Variants in CDK14 observed in about 807,000 individuals in gnomAD.
CDK14 encodes cyclin dependent kinase 14, also known as cyclin-dependent kinase 14.
CDK14 carries 34 observed loss-of-function variants against 60.7 expected under a neutral mutation model. That is an observed-to-expected ratio of 0.56 (90% CI 0.43 to 0.75). The LOEUF is 0.75. Among genes scored for constraint, CDK14 ranks in the 30% least tolerant of loss-of-function variants. The pLI is 0.00. For synonymous variants in CDK14, 197 were observed against 203.7 expected (o/e 0.97, Z 0.28); for missense variants, 482 against 564.1 (o/e 0.85, Z 1.47).
chr7:90,870,638 A>G (rs2117246065), intron 6 of CDK14, among the ~76,000 whole-genome samples: 1 of 152,294 alleles, frequency 6.6e-6, no homozygotes, highest in South Asian at 2.1e-4. Context: ...TAGATTCATT[A>G]TCTAGTCCCA....
chr7:90,804,452 A>C (rs1204901497), intron 5 of CDK14, among the ~76,000 whole-genome samples: 1 of 152,188 alleles, frequency 6.6e-6, no homozygotes, highest in South Asian at 2.1e-4. Context: ...CACTGAAAAA[A>C]TTAACATGAA....
chr7:90,741,555 A>G (rs975310560), intron 3 of CDK14, among the ~76,000 whole-genome samples: 29 of 152,188 alleles, frequency 1.9e-4, no homozygotes, highest in African/African-American at 5.5e-4. Flanking sequence ...GAAAATTTTA[A>G]TAAGTACCTG....
At chr7:90,812,444 A>G (rs976822297) in intron 5 of CDK14, among the ~76,000 whole-genome samples, 1 of 152,014 alleles carries the variant, frequency 6.6e-6, no homozygotes, top group Non-Finnish European at 1.5e-5. Context: ...AGGAAGGGGC[A>G]TATCACACAC....
intron 14 of CDK14, among the ~76,000 whole-genome samples, chr7:91,161,482 G>C (rs1355405206): frequency 6.6e-6 from 1 of 152,212 alleles, no homozygotes; most frequent in African/African-American, 2.4e-5. Context: ...TACACTACCA[G>C]AGCAGAGTGA....
intron 4 of CDK14, among the ~76,000 whole-genome samples, chr7:90,775,473 A>G (rs890773061): frequency 3.9e-5 from 6 of 152,188 alleles, no homozygotes; most frequent in African/African-American, 1.2e-4. Flanking sequence ...ACAGATAAAA[A>G]TCTATTTGAA....
intron 7 of CDK14, among the ~76,000 whole-genome samples, chr7:90,908,948 T>C (rs1027650011): frequency 3.9e-5 from 6 of 152,200 alleles, no homozygotes; most frequent in African/African-American, 1.4e-4. Context: ...ATCTCTCTCT[T>C]TTTAGTTATA....
At chr7:91,022,807 T>C (rs1002055058) in intron 10 of CDK14, among the ~76,000 whole-genome samples, 3 of 152,178 alleles carry the variant, frequency 2.0e-5, no homozygotes, top group African/African-American at 4.8e-5. Context: ...TTTGTTTCCA[T>C]TGTATTGTTT....
intron 5 of CDK14, among the ~76,000 whole-genome samples, chr7:90,801,128 C>G (rs541345011): frequency 6.6e-5 from 10 of 152,322 alleles, no homozygotes; most frequent in African/African-American, 2.4e-4. Context: ...ACTATTCAAC[C>G]TGCTACCAGT....
intron 11 of CDK14, among the ~76,000 whole-genome samples, chr7:91,048,283 G>T (rs1421898782): frequency 6.6e-6 from 1 of 152,036 alleles, no homozygotes; most frequent in Non-Finnish European, 1.5e-5. Context: ...TCCTCATCTT[G>T]TTTTTCTCAT....
intron 14 of CDK14, among the ~76,000 whole-genome samples, chr7:91,138,090 T>C (rs907599687): frequency 6.6e-6 from 1 of 152,224 alleles, no homozygotes; most frequent in Non-Finnish European, 1.5e-5. Context: ...CTCTCCATTG[T>C]GGTGAGAATA....
At position 91,033,679 on chromosome 7, in the gene CDK14, A is replaced by G. The variant is rs79632604; in HGVS notation, c.1042-12218A>G. Among the ~76,000 whole-genome samples, 672 of 152,256 alleles carry G rather than the reference A, an allele frequency of 4.4e-3. 4 individuals are homozygous for G. Among genetic ancestry groups the G allele is most frequent in the African/African-American group, 0.016 (648 of 41,560 alleles). ...CCTGTTTTTCCCTATTTTGAGGCAC[A>G]GTTTCAGGCAGTCAGGCTGGTTCTG... On this transcript the variant is annotated intron_variant, in intron 10 of 14. Coordinates refer to ENST00000380050, the MANE Select transcript of CDK14 (RefSeq NM_001287135.2).
chr7:90,729,148 G>A (rs982634450), intron 3 of CDK14, among the ~76,000 whole-genome samples: 11 of 151,390 alleles, frequency 7.3e-5, no homozygotes, highest in African/African-American at 2.7e-4. Flanking sequence ...AATCTCTGGC[G>A]GGACTAGGAA....
At chr7:91,117,219 C>G (rs1799634375) in intron 13 of CDK14, among the ~76,000 whole-genome samples, 1 of 151,046 alleles carries the variant, frequency 6.6e-6, no homozygotes, top group African/African-American at 2.4e-5. Context: ...CCCTAATCAT[C>G]TTTTTTTGGT....
intron 5 of CDK14, among the ~76,000 whole-genome samples, chr7:90,846,154 T>C (rs1330183131): frequency 6.6e-6 from 1 of 152,116 alleles, no homozygotes; most frequent in Non-Finnish European, 1.5e-5. Context: ...CTCTTCTTCT[T>C]CCCCCAAACT....
At chr7:91,118,010 CATG>C in intron 13 of CDK14, 52 bp from the exon 14 acceptor site, 2 of 1,002,996 alleles carry the variant, frequency 2.0e-6, no homozygotes, top group Non-Finnish European at 2.9e-6. Flanking sequence ...AAAAAAAAAA[CATG>C]ATTATAAATA....
In CDK14 at chr7:91,027,632, G is replaced by A. The variant is rs188402381; in HGVS notation, c.1042-18265G>A. On this transcript the variant is annotated intron_variant, in intron 10 of 14. Coordinates refer to ENST00000380050, the MANE Select transcript of CDK14 (RefSeq NM_001287135.2). Reference sequence around the variant, plus strand: ...AGTTGCCAAAAGAGCATTGGATGGGGAATGGGAGCTGATTCTTTTTTTGTT... The same window carrying A: ...AGTTGCCAAAAGAGCATTGGATGGGAAATGGGAGCTGATTCTTTTTTTGTT... Among the ~76,000 whole-genome samples, 107 of 152,162 alleles carry A rather than the reference G, an allele frequency of 7.0e-4. 1 individual carries two copies. Among genetic ancestry groups the A allele is most frequent in the Non-Finnish European group, 1.2e-3 (83 of 67,996 alleles).
At chr7:90,923,858 T>C (rs971918578) in intron 8 of CDK14, among the ~76,000 whole-genome samples, 1 of 152,192 alleles carries the variant, frequency 6.6e-6, no homozygotes, top group African/African-American at 2.4e-5. Flanking sequence ...TAGCCATGTA[T>C]CCTTAGAAAA....
intron 2 of CDK14, among the ~76,000 whole-genome samples, chr7:90,725,250 C>T (rs111577638): frequency 0.012 from 1,841 of 152,140 alleles, 44 homozygotes; most frequent in African/African-American, 0.042. Context: ...TAATCTTGCC[C>T]GTTCAATTCC....
intron 1 of CDK14, among the ~76,000 whole-genome samples, chr7:90,597,629 AGCT>A (rs1470852972): frequency 6.6e-6 from 1 of 152,220 alleles, no homozygotes; most frequent in Non-Finnish European, 1.5e-5. Flanking sequence ...GTCCCTAGGA[AGCT>A]GCCTAGTCTT....
Sources: allele counts gnomAD v4.1 joint callset (sites outside exome capture counted in the v4.1 genomes callset), GRCh38; gene constraint gnomAD v4.1.1; transcripts MANE v1.5; gene names NCBI Gene and HGNC (gene_info 2026-07-23, HGNC 2026-07-21).